ORC2: variants seen among roughly 807,000 people sequenced by gnomAD.
The protein encoded by ORC2 is origin recognition complex protein 2 homolog.
A neutral mutation model predicts 77.7 loss-of-function variants in ORC2; 37 were observed. The observed-to-expected ratio is 0.48, with a 90% CI of 0.37 to 0.63. The LOEUF (loss-of-function observed/expected upper bound fraction) is 0.63. Among genes scored for constraint, ORC2 ranks in the 20% least tolerant of loss-of-function variants. The pLI, the probability that ORC2 is intolerant of heterozygous loss-of-function variation, is 0.00. For synonymous variants in ORC2, 201 were observed against 229.5 expected (o/e 0.88, Z 1.12); for missense variants, 557 against 661.9 (o/e 0.84, Z 1.74).
chr2:200,956,024 T>C (rs1234988986), intron 4 of ORC2, among the ~76,000 whole-genome samples: 2 of 152,214 alleles, frequency 1.3e-5, no homozygotes, highest in African/African-American at 4.8e-5. Context: ...ATAAAGTAAC[T>C]TGCTTTAGAA....
At chr2:200,915,001 GTC>G (rs2040617825) in intron 15 of ORC2, among the ~76,000 whole-genome samples, 1 of 108,858 alleles carries the variant, frequency 9.2e-6, no homozygotes, top group East Asian at 2.8e-4. Context: ...TTCTTCCCAC[GTC>G]TTTTTTTTTT....
At chr2:200,949,480 A>G in intron 5 of ORC2, 74 bp downstream of exon 5, 1 of 785,366 alleles carries the variant, frequency 1.3e-6, no homozygotes, top group Non-Finnish European at 2.2e-6. Context: ...GTGGTATAAT[A>G]ATCATGGGGA....
At chr2:200,951,763 T>G (rs928803164) in intron 4 of ORC2, among the ~76,000 whole-genome samples, 3 of 152,260 alleles carry the variant, frequency 2.0e-5, no homozygotes, top group Non-Finnish European at 2.9e-5. Context: ...TTGCTGAATT[T>G]TAAAAGCTCT....
chr2:200,913,686 A>G, intron 16 of ORC2: 3 of 1,351,190 alleles, frequency 2.2e-6, no homozygotes, highest in Non-Finnish European at 2.8e-6. Context: ...ATACACATCC[A>G]TAGTTAGCAC....
intron 10 of ORC2, among the ~76,000 whole-genome samples, chr2:200,932,968 T>C (rs2040969219): frequency 1.3e-5 from 2 of 152,192 alleles, no homozygotes; most frequent in Non-Finnish European, 2.9e-5. Flanking sequence ...ATGAAAGGCT[T>C]TCGTCTCCCT....
At chr2:200,949,533 G>A (rs1180017460) in intron 5 of ORC2, 21 bp downstream of exon 5, 1 of 1,290,194 alleles carries the variant, frequency 7.8e-7, no homozygotes, top group Admixed American at 1.8e-5. Context: ...AATAGTTATA[G>A]AAATCAGAAA....
intron 3 of ORC2, 83 bp from the exon 4 acceptor site, chr2:200,957,627 T>C: frequency 9.8e-7 from 1 of 1,019,222 alleles, no homozygotes; most frequent in South Asian, 2.7e-5. Flanking sequence ...TTATAATATT[T>C]ATATTGTCAT....
chr2:200,961,411 C>G (rs2041570815), intron 1 of ORC2, among the ~76,000 whole-genome samples: 1 of 152,186 alleles, frequency 6.6e-6, no homozygotes, highest in South Asian at 2.1e-4. Context: ...CTCAGCCTCC[C>G]CAAGTGCTGG....
chr2:200,916,842 T>C (rs952843904), intron 15 of ORC2, among the ~76,000 whole-genome samples: 4 of 151,282 alleles, frequency 2.6e-5, no homozygotes, highest in Admixed American at 6.6e-5. Context: ...AGCTGGGACC[T>C]CAGGTGCCCG....
chr2:200,925,021 A>G (rs1459965272), intron 13 of ORC2, among the ~76,000 whole-genome samples: 1 of 152,190 alleles, frequency 6.6e-6, no homozygotes, highest in African/African-American at 2.4e-5. Context: ...CGGCCTCCCA[A>G]AGTGCTGGGA....
At position 200,911,268 on chromosome 2, in the gene ORC2, C is replaced by A; in HGVS notation, c.*33G>T. The A allele has an allele frequency of 7.6e-7, 1 of 1,317,150 alleles. No homozygotes were observed. Among genetic ancestry groups the A allele is most frequent in the Non-Finnish European group, 1.1e-6 (1 of 910,986 alleles). 81.6% of individuals were successfully genotyped at this position (1,317,150 alleles called of 1,614,324 possible). A position where few individuals can be genotyped will look rare whatever the true frequency, so the allele number is the denominator to read the frequency against. On this transcript the variant is annotated 3_prime_UTR_variant, in exon 18 of 18. Coordinates refer to ENST00000234296, the MANE Select transcript of ORC2 (RefSeq NM_006190.5). The stretch of plus-strand genomic sequence containing the variant: ...GAGGAGTGGCAGCTGGGGTACAACC[C>A]TTCCATGGGAGATTCAAGAATAAAG...
At chr2:200,953,659 C>T (rs369395289) in intron 4 of ORC2, among the ~76,000 whole-genome samples, 2 of 152,216 alleles carry the variant, frequency 1.3e-5, no homozygotes, top group East Asian at 1.9e-4. Context: ...CAGCATCATT[C>T]GCAATACCCA....
chr2:200,921,194 CTG>C, intron 13 of ORC2, 55 bp from the exon 14 acceptor site: 2 of 1,243,510 alleles, frequency 1.6e-6, no homozygotes, highest in Non-Finnish European at 2.2e-6. Context: ...GGGTCTCACT[CTG>C]TTGCCTAGGC....
At chr2:200,950,740 C>T (rs2041339206) in intron 4 of ORC2, among the ~76,000 whole-genome samples, 1 of 152,158 alleles carries the variant, frequency 6.6e-6, no homozygotes, top group African/African-American at 2.4e-5. Context: ...TTTGTCAATA[C>T]TTAATGGATT....
Position 200,920,343 on chromosome 2 carries a change from T to C in ORC2, c.1345A>G (p.Thr449Ala). Reference sequence around the variant, plus strand: ...TCTTCAGTATAAGGACTGTATGTAGTAGTTTCATACCAGAGCCAGTTAAAA... The same window carrying C: ...TCTTCAGTATAAGGACTGTATGTAGCAGTTTCATACCAGAGCCAGTTAAAA... ...SLFNWLWYET[T>A]TYSPYTEETS... is the part of the protein sequence containing the mutation. Residue 449 changes from threonine to alanine, a missense_variant, in exon 15 of 18, where the codon ACT (threonine) becomes GCT (alanine). Thr to Ala is a moderately conservative substitution (Grantham distance 58). Coordinates refer to ENST00000234296, the MANE Select transcript of ORC2 (RefSeq NM_006190.5). 1.2e-6 allele frequency: 2 copies of C among 1,611,896 alleles called. No individual in the cohort carries two copies. The highest frequency in any genetic ancestry group is 1.7e-6 in the Non-Finnish European group (2 of 1,178,542).
intron 2 of ORC2, among the ~76,000 whole-genome samples, chr2:200,958,437 A>G (rs1266272755): frequency 6.6e-6 from 1 of 152,230 alleles, no homozygotes; most frequent in Non-Finnish European, 1.5e-5. Context: ...TTAAGTTTTA[A>G]TGAAAGCTCT....
intron 5 of ORC2, among the ~76,000 whole-genome samples, chr2:200,948,286 C>T (rs905275692): frequency 2.0e-5 from 3 of 151,946 alleles, no homozygotes; most frequent in African/African-American, 4.8e-5. Context: ...TGGCCTCAAG[C>T]GATCCTCCTG....
chr2:200,941,415 G>T, intron 6 of ORC2, 136 bp from the exon 7 acceptor site: 1 of 622,766 alleles, frequency 1.6e-6, no homozygotes, highest in South Asian at 2.5e-5. Context: ...GGCAAGGCAG[G>T]AAGATTGCTT....
rs201155555 is a variant in ORC2, at chr2:200,914,006, A to C, written c.1467-14T>G. 39 of 1,529,208 alleles carry C rather than the reference A, an allele frequency of 2.6e-5. No individual in the cohort carries two copies. Among genetic ancestry groups the C allele is most frequent in the Non-Finnish European group, 3.3e-5 (37 of 1,122,414 alleles). The allele number at this position is 1,529,208 out of a possible 1,614,324, so 94.7% of individuals were successfully genotyped here. ...CTGAAAATTCCCCTAAAAAAAAAAA[A>C]AAACAGGAATTTAAATCCAAAAATG... On this transcript the variant is annotated splice_polypyrimidine_tract_variant and intron_variant, in intron 15 of 17. Transcript: ENST00000234296.
Sources: gnomAD v4.1 joint callset for allele counts (sites outside exome capture counted in the v4.1 genomes callset) on GRCh38, gnomAD v4.1.1 for gene constraint, MANE v1.5 for transcripts, NCBI Gene and HGNC (gene_info 2026-07-23, HGNC 2026-07-21) for gene names.